CEP78: variants seen among roughly 807,000 people sequenced by gnomAD.
CEP78 encodes centrosomal protein of 78 kDa.
A neutral mutation model predicts 81.2 loss-of-function variants in CEP78; 76 were observed. That is an observed-to-expected ratio of 0.94 (90% confidence interval 0.78 to 1.13). The LOEUF (loss-of-function observed/expected upper bound fraction) is 1.13. Among genes scored for constraint, CEP78 ranks in the 50% most tolerant of loss-of-function variants. CEP78 has a pLI of 0.00. For missense variants in CEP78, 918 were observed against 846.8 expected (o/e 1.08, Z -1.04); for synonymous variants, 293 against 301.4 (o/e 0.97, Z 0.29).
chr9:78,253,493 A>C (rs562214445), intron 10 of CEP78: 141 of 442,962 alleles, frequency 3.2e-4, no homozygotes, highest in Middle Eastern at 1.2e-3. Context: ...GTAGACAGGA[A>C]GTCATTTCTC....
chr9:78,264,016 TGTCTTTACTG>T (rs1486882950), intron 12 of CEP78, 124 bp from the exon 13 acceptor site: 34 of 530,984 alleles, frequency 6.4e-5, no homozygotes, highest in Middle Eastern at 5.2e-4. Flanking sequence ...TAATATGGTC[TGTCTTTACTG>T]GTAGAGAGTT....
At chr9:78,266,917 C>T (rs1827568310) in intron 16 of CEP78, 1 of 1,427,656 alleles carries the variant, frequency 7.0e-7, no homozygotes, top group African/African-American at 1.4e-5. Flanking sequence ...AAAAGTAAAT[C>T]CAGTCCACTA....
rs1416010329 is a variant in CEP78, at chr9:78,272,420, A to T, written c.*1569A>T. 1 of 152,234 alleles carries T rather than the reference A, an allele frequency of 6.6e-6. No individual in the cohort carries two copies. The highest frequency in any genetic ancestry group is 2.4e-5 in the African/African-American group (1 of 41,462). The allele number at this position is 152,234 out of a possible 1,614,324, so 9.4% of individuals were successfully genotyped here. On this transcript the variant is annotated 3_prime_UTR_variant, in exon 17 of 17. Transcript: ENST00000643273. Reference sequence around the variant, plus strand: ...CTTTGTGACCTGCAAATCCCCTTTTATAATCACCAGAGGTGCCTGTAGTCA... The same window carrying T: ...CTTTGTGACCTGCAAATCCCCTTTTTTAATCACCAGAGGTGCCTGTAGTCA...
In CEP78 at chr9:78,260,752, G is replaced by T. The variant is rs550350312; in HGVS notation, c.1381-2155G>T. Among the ~76,000 whole-genome samples, 8 of 150,614 alleles carry T rather than the reference G, an allele frequency of 5.3e-5. No homozygotes were observed. In the South Asian group the frequency reaches 1.1e-3, roughly 20 times the overall value. The stretch of plus-strand genomic sequence containing the variant: ...TCAGAGTTATGAGTTCTCTGATTCA[G>T]TGTTAAATGGAAGAATGTCTAACAT... On this transcript the variant is annotated intron_variant, in intron 11 of 16. Transcript: ENST00000643273.
chr9:78,265,432 T>TC lies in CEP78; in HGVS notation c.1690dup (p.Gln564ProfsTer7). 6.2e-7 allele frequency: 1 copy of TC among 1,603,618 alleles called. No individual in the cohort carries two copies. The highest frequency in any genetic ancestry group is 1.7e-5 in the Admixed American group (1 of 58,496). ...AGTCAGATTTTCAATTACTAGGTCA[T>TC]CCCCAGATGACTTCTACTGTTAGTA... On this transcript the variant is annotated frameshift_variant, in exon 14 of 17. Coordinates refer to ENST00000643273, the MANE Select transcript of CEP78 (RefSeq NM_001330691.3). LOFTEE classifies it high-confidence loss of function.
intron 6 of CEP78, among the ~76,000 whole-genome samples, chr9:78,247,006 C>G (rs1336057522): frequency 2.0e-5 from 3 of 152,200 alleles, no homozygotes; most frequent in Non-Finnish European, 2.9e-5. Flanking sequence ...GATAATAAAT[C>G]TGCTTCCACC....
rs1826145757 is a variant in CEP78, at chr9:78,240,020, T to C, written c.254-3T>C. 6.4e-7 allele frequency: 1 copy of C among 1,563,122 alleles called. No individual in the cohort carries two copies. Among genetic ancestry groups the C allele is most frequent in the Admixed American group, 2.3e-5 (1 of 43,610 alleles). On this transcript the variant is annotated splice_polypyrimidine_tract_variant and splice_region_variant and intron_variant, in intron 1 of 16. Coordinates refer to ENST00000643273, the MANE Select transcript of CEP78 (RefSeq NM_001330691.3). Reference sequence around the variant, plus strand: ...CACTAACTTTCTTTTATCTTTGTTTTAGGTTCTGACATGAATAAATTTTGC... The same window carrying C: ...CACTAACTTTCTTTTATCTTTGTTTCAGGTTCTGACATGAATAAATTTTGC...
In CEP78 at chr9:78,269,893, C is replaced by G. The variant is rs17064273; in HGVS notation, c.2108-948C>G. On this transcript the variant is annotated intron_variant, in intron 16 of 16. Transcript: ENST00000643273. ...GAGGCTCATTTATGCAGCAGGATCTCAGACAAGCAGGGACATGAGATACTT... is the reference window on the plus strand; with the variant it reads ...GAGGCTCATTTATGCAGCAGGATCTGAGACAAGCAGGGACATGAGATACTT... 9.9e-3 allele frequency among the ~76,000 whole-genome samples: 1,500 copies of G among 152,260 alleles called. 20 individuals carry two copies. Among genetic ancestry groups the G allele is most frequent in the African/African-American group, 0.034 (1,433 of 41,552 alleles).
At position 78,266,502 on chromosome 9, in the gene CEP78, G is replaced by T; in HGVS notation, c.1906G>T (p.Val636Phe). 2 of 1,613,646 alleles carry T rather than the reference G, an allele frequency of 1.2e-6. No homozygotes were observed. The highest frequency in any genetic ancestry group is 2.2e-5 in the South Asian group (2 of 91,066). The change falls in exon 16 of 17, where the codon GTT becomes TTT. Residue 636 changes from valine to phenylalanine, a missense_variant. Coordinates refer to ENST00000643273, the MANE Select transcript of CEP78 (RefSeq NM_001330691.3). The part of the protein sequence containing the change: ...PLPLDSFPVP[V>F]STPEGLGTSS... ...GCCTCTCGACTCCTTTCCTGTCCCA[G>T]TTTCTACTCCAGAGGGCTTAGGAAC...
At chr9:78,259,685 A>G (rs541783688) in intron 11 of CEP78, among the ~76,000 whole-genome samples, 2 of 152,274 alleles carry the variant, frequency 1.3e-5, no homozygotes, top group South Asian at 4.1e-4. Flanking sequence ...GAGCCCTATG[A>G]TACATGAATT....
chr9:78,260,537 C>G (rs919412121), intron 11 of CEP78, among the ~76,000 whole-genome samples: 1 of 151,894 alleles, frequency 6.6e-6, no homozygotes, highest in African/African-American at 2.4e-5. Flanking sequence ...GAAACCCTGT[C>G]TCTACTAAAA....
intron 11 of CEP78, among the ~76,000 whole-genome samples, chr9:78,255,996 G>A (rs1827003129): frequency 6.6e-6 from 1 of 152,142 alleles, no homozygotes; most frequent in African/African-American, 2.4e-5. Context: ...AATTCTCTTA[G>A]CTCTTTTCTA....
intron 5 of CEP78, among the ~76,000 whole-genome samples, chr9:78,244,611 C>T (rs1826395564): frequency 6.6e-6 from 1 of 152,112 alleles, no homozygotes; most frequent in East Asian, 1.9e-4. Context: ...AACTCCCCTG[C>T]TTTTTCTTTT....
intron 11 of CEP78, among the ~76,000 whole-genome samples, chr9:78,259,156 G>A (rs1296098217): frequency 6.6e-6 from 1 of 152,160 alleles, no homozygotes. Context: ...GAATGAACAA[G>A]AGCTACAGGC....
rs1826324550 is a variant in CEP78 at position 78,243,469 on chromosome 9, C to T, written c.611C>T (p.Thr204Ile). The T allele has an allele frequency of 1.2e-6, 2 of 1,612,098 alleles. No homozygotes were observed. Among genetic ancestry groups the T allele is most frequent in the South Asian group, 2.2e-5 (2 of 90,746 alleles). The change falls in exon 5 of 17, where the codon ACC becomes ATC. Residue 204 changes from threonine (T) to isoleucine (I), a missense_variant. By Grantham distance (89) the Thr-to-Ile change is moderately conservative (BLOSUM62 -1). Coordinates refer to ENST00000643273, the MANE Select transcript of CEP78 (RefSeq NM_001330691.3). ...DHMAKILKYQ[T>I]MRRHEETWAE... ...CTTATTAAATCTTTGAAGTATCAGA[C>T]CATGAGAAGGCATGAAGAAACCTGG...
intron 1 of CEP78, among the ~76,000 whole-genome samples, chr9:78,239,558 G>A (rs1353188801): frequency 1.3e-5 from 2 of 152,170 alleles, no homozygotes; most frequent in Non-Finnish European, 2.9e-5. Context: ...TGTGTCAGTG[G>A]TAGCCCTGAT....
chr9:78,248,436 G>A, intron 7 of CEP78, 81 bp downstream of exon 7: 2 of 906,942 alleles, frequency 2.2e-6, no homozygotes, highest in Non-Finnish European at 3.6e-6. Context: ...GCCCAGCCTG[G>A]CCTCAAACTT....
chr9:78,267,930 A>T (rs1026446268), intron 16 of CEP78, among the ~76,000 whole-genome samples: 5 of 152,128 alleles, frequency 3.3e-5, no homozygotes, highest in Admixed American at 6.5e-5. Context: ...CCTGATTGTT[A>T]TCAAAAGGGC....
At chr9:78,258,055 A>G (rs577490856) in intron 11 of CEP78, among the ~76,000 whole-genome samples, 2 of 152,204 alleles carry the variant, frequency 1.3e-5, no homozygotes, top group African/African-American at 2.4e-5. Flanking sequence ...TTGATTATCA[A>G]TTTGCATGTG....
Sources: gnomAD v4.1 joint callset for allele counts (sites outside exome capture counted in the v4.1 genomes callset) on GRCh38, gnomAD v4.1.1 for gene constraint, MANE v1.5 for transcripts, NCBI Gene and HGNC (gene_info 2026-07-23, HGNC 2026-07-21) for gene names.